The following DHRSX variants were observed in gnomAD, a reference collection of about 807,000 sequenced individuals.
DHRSX encodes polyprenol dehydrogenase.
In DHRSX, 31 loss-of-function variants were observed where a neutral mutation model predicts 34.0. The ratio of observed to expected loss-of-function variants is 0.91; its 90% confidence interval spans 0.69 to 1.23. DHRSX has a LOEUF of 1.23. DHRSX is among the 50% of genes most tolerant of loss of function. The pLI, the probability that DHRSX is intolerant of heterozygous loss-of-function variation, is 0.00. For synonymous variants in DHRSX, 201 were observed against 183.8 expected (o/e 1.09, Z -0.76); for missense variants, 414 against 428.1 (o/e 0.97, Z 0.29).
intron 1 of DHRSX, among the ~76,000 whole-genome samples, chrX:2,439,347 T>C (rs776513537): frequency 6.6e-6 from 1 of 152,122 alleles, no homozygotes; most frequent in African/African-American, 2.4e-5. Context: ...TATATACATA[T>C]ATATACGCAT....
intron 3 of DHRSX, among the ~76,000 whole-genome samples, chrX:2,397,219 T>G (rs1400927911): frequency 6.6e-6 from 1 of 151,936 alleles, no homozygotes; most frequent in Admixed American, 6.6e-5. Flanking sequence ...AGGCTGGTCT[T>G]GAAGTCCTGG....
chrX:2,396,908 T>A (rs1163643613), intron 3 of DHRSX, among the ~76,000 whole-genome samples: 10 of 151,962 alleles, frequency 6.6e-5, no homozygotes, highest in African/African-American at 1.9e-4. Context: ...AAAATTGCTC[T>A]TAATATTTTA....
intron 1 of DHRSX, among the ~76,000 whole-genome samples, chrX:2,478,747 G>A (rs1479573752): frequency 6.8e-6 from 1 of 147,260 alleles, no homozygotes; most frequent in Non-Finnish European, 1.5e-5. Context: ...TTCCCCAAGC[G>A]TGCGGCCAAG....
chrX:2,335,430 T>A (rs111390937), intron 3 of DHRSX, among the ~76,000 whole-genome samples: 8,267 of 150,042 alleles, frequency 0.055, 751 homozygotes, highest in African/African-American at 0.2. Flanking sequence ...GACAAATGGT[T>A]GCATTCATTA....
chrX:2,467,979 AAT>A (rs755607756), intron 1 of DHRSX, among the ~76,000 whole-genome samples: 120 of 72,978 alleles, frequency 1.6e-3, no homozygotes, highest in African/African-American at 3.6e-3. Flanking sequence ...AAAAAAAAAA[AAT>A]GTTGGACCAA....
chrX:2,362,126 TAG>T (rs1158115745), intron 3 of DHRSX, among the ~76,000 whole-genome samples: 3 of 152,172 alleles, frequency 2.0e-5, no homozygotes, highest in Non-Finnish European at 4.4e-5. Context: ...TTAAGAGCCC[TAG>T]AGAGAGTGGG....
intron 3 of DHRSX, among the ~76,000 whole-genome samples, chrX:2,324,916 G>A (rs1487966862): frequency 6.7e-6 from 1 of 148,322 alleles, no homozygotes; most frequent in African/African-American, 2.5e-5. Flanking sequence ...TTATAGGTAC[G>A]CACCACCAAG....
chrX:2,320,903 C>CT (rs2042303638), intron 3 of DHRSX, among the ~76,000 whole-genome samples: 1 of 152,210 alleles, frequency 6.6e-6, no homozygotes, highest in Admixed American at 6.6e-5. Flanking sequence ...CACGTACAGC[C>CT]TGTCTGCCTG....
intron 6 of DHRSX, among the ~76,000 whole-genome samples, chrX:2,236,683 C>A (rs1450168748): frequency 6.6e-6 from 1 of 152,116 alleles, no homozygotes; most frequent in Non-Finnish European, 1.5e-5. Context: ...CCACCCGCCT[C>A]AGCCTCCCAA....
intron 3 of DHRSX, among the ~76,000 whole-genome samples, chrX:2,310,242 G>A (rs1165459928): frequency 3.9e-5 from 6 of 152,122 alleles, no homozygotes; most frequent in Non-Finnish European, 5.9e-5. Flanking sequence ...GAGCAGGGAC[G>A]AAGCTCATGA....
chrX:2,359,392 C>CA (rs1418887850), intron 3 of DHRSX, among the ~76,000 whole-genome samples: 1 of 152,110 alleles, frequency 6.6e-6, no homozygotes, highest in Non-Finnish European at 1.5e-5. Context: ...AAATATGGTA[C>CA]ATAGGCCAGG....
intron 1 of DHRSX, among the ~76,000 whole-genome samples, chrX:2,494,968 T>C (rs73182812): frequency 0.092 from 13,903 of 151,774 alleles, 928 homozygotes; most frequent in South Asian, 0.24. Context: ...CTATCATTAT[T>C]ATCATTATTA....
chrX:2,233,067 GA>G (rs2015933632), intron 6 of DHRSX, among the ~76,000 whole-genome samples: 1 of 6,542 alleles, frequency 1.5e-4, no homozygotes, highest in African/African-American at 4.6e-4. Context: ...GAAAAAGAAA[GA>G]AAGAAAGAAA....
chrX:2,275,693 T>A (rs964810475), intron 4 of DHRSX, among the ~76,000 whole-genome samples: 5 of 151,692 alleles, frequency 3.3e-5, no homozygotes, highest in Non-Finnish European at 7.4e-5. Context: ...TACCATAGAT[T>A]TAATTTGCCT....
chrX:2,254,961 T>A (rs2041257257), intron 5 of DHRSX, among the ~76,000 whole-genome samples: 1 of 137,860 alleles, frequency 7.3e-6, no homozygotes. Context: ...CCCCCTTTTT[T>A]TTCTTTTTTT....
intron 5 of DHRSX, among the ~76,000 whole-genome samples, chrX:2,263,802 C>T (rs1311603507): frequency 2.0e-5 from 3 of 152,180 alleles, no homozygotes; most frequent in Admixed American, 2.0e-4. Context: ...TGAGCCACCA[C>T]ACCCGGACTG....
rs1262348383 is a variant in DHRSX, at chrX:2,304,160, G to A, written c.287-12557C>T. Among the ~76,000 whole-genome samples the A allele has an allele frequency of 4.8e-5, 7 of 145,942 alleles. 1 individual carries two copies. The highest frequency in any genetic ancestry group is 2.3e-4 in the South Asian group (1 of 4,360). On this transcript the variant is annotated intron_variant, in intron 3 of 6. Transcript: ENST00000334651. ...GGATGAATGGATGGATGGATGGATG[G>A]ATGGATGAACTGATGGATGGATGGA...
At chrX:2,241,021 T>C (rs1274403501) in intron 6 of DHRSX, among the ~76,000 whole-genome samples, 2 of 151,942 alleles carry the variant, frequency 1.3e-5, no homozygotes, top group African/African-American at 2.4e-5. Flanking sequence ...CTGTCTTTAC[T>C]AAAAATACAA....
At chrX:2,250,340 ATAGAG>A (rs1211435344) in intron 5 of DHRSX, among the ~76,000 whole-genome samples, 3 of 152,094 alleles carry the variant, frequency 2.0e-5, no homozygotes, top group African/African-American at 4.8e-5. Flanking sequence ...GAGTGGGTCC[ATAGAG>A]TAAAGTGAAA....
Sources: gnomAD v4.1 joint callset for allele counts (sites outside exome capture counted in the v4.1 genomes callset) on GRCh38, gnomAD v4.1.1 for gene constraint, MANE v1.5 for transcripts, NCBI Gene and HGNC (gene_info 2026-07-23, HGNC 2026-07-21) for gene names.